Variants in MAPKAPK5 observed in about 807,000 individuals in gnomAD.
MAPKAPK5 encodes the protein MAP kinase-activated protein kinase 5.
In MAPKAPK5, 30 loss-of-function variants were observed where a neutral mutation model predicts 65.1. That is an observed-to-expected ratio of 0.46 (90% CI 0.34 to 0.63). The LOEUF (loss-of-function observed/expected upper bound fraction) is 0.63. Among genes scored for constraint, MAPKAPK5 ranks in the 20% least tolerant of loss-of-function variants. The pLI is 0.01. For missense variants in MAPKAPK5, 433 were observed against 581.4 expected (o/e 0.74, Z 2.63); for synonymous variants, 179 against 204.6 (o/e 0.87, Z 1.07).
At chr12:111,861,321 TTTG>T (rs147026778) in intron 1 of MAPKAPK5, among the ~76,000 whole-genome samples, 12,790 of 151,320 alleles carry the variant, frequency 0.085, 628 homozygotes, top group Middle Eastern at 0.17. Context: ...TTTTGTTTTT[TTTG>T]TTGTTGTTGT....
chr12:111,866,031 G>A, intron 2 of MAPKAPK5, 125 bp from the exon 3 acceptor site: 5 of 714,638 alleles, frequency 7.0e-6, no homozygotes, highest in Non-Finnish European at 1.1e-5. Context: ...TTGGGGGCAA[G>A]TTTGTTCTGG....
Position 111,842,738 on chromosome 12 carries a change from C to G in MAPKAPK5, c.5C>G (p.Ser2Trp). The G allele has an allele frequency of 6.6e-6, 9 of 1,359,754 alleles. No homozygotes were observed. Among genetic ancestry groups the G allele is most frequent in the Non-Finnish European group, 8.6e-6 (9 of 1,049,880 alleles). 84.2% of individuals were successfully genotyped at this position (1,359,754 alleles called of 1,614,324 possible). ...GCTGTGGGGGCCCCACTGAGTATGTCGGAGGAGAGCGACATGGACAAAGCC... is the reference window on the plus strand; with the variant it reads ...GCTGTGGGGGCCCCACTGAGTATGTGGGAGGAGAGCGACATGGACAAAGCC... M[S>W]EESDMDKAIK... Residue 2 changes from serine (S) to tryptophan (W), a missense_variant, in exon 1 of 14, where the codon TCG (serine) becomes TGG (tryptophan). Ser to Trp is a radical substitution (Grantham distance 177). Around this residue, in one of 3 missense-constraint regions of MAPKAPK5, gnomAD observed 165 missense variants for 180.0 expected, o/e 0.92. Transcript: ENST00000550735.
At chr12:111,853,815 T>C (rs1383464540) in intron 1 of MAPKAPK5, among the ~76,000 whole-genome samples, 3 of 152,102 alleles carry the variant, frequency 2.0e-5, no homozygotes, top group African/African-American at 7.2e-5. Flanking sequence ...GATTACAGGC[T>C]TAAGCCACTA....
chr12:111,901,458 G>A lies in MAPKAPK5; in HGVS notation c.*8397G>A, dbSNP rs1164804816. 8.8e-6 allele frequency: 4 copies of A among 455,602 alleles called. No individual in the cohort carries two copies. The highest frequency in any genetic ancestry group is 7.1e-5 in the Admixed American group (3 of 42,476). 28.2% of individuals were successfully genotyped at this position (455,602 alleles called of 1,614,324 possible). ...TCATTCCAGACGTGAAGAACATGCT[G>A]TAGACATGATGATATTATCATTCAT... On this transcript the variant is annotated 3_prime_UTR_variant, in exon 14 of 14. Transcript: ENST00000550735.
chr12:111,869,653 A>T (rs1030645517), intron 5 of MAPKAPK5, among the ~76,000 whole-genome samples: 1 of 152,210 alleles, frequency 6.6e-6, no homozygotes, highest in African/African-American at 2.4e-5. Flanking sequence ...AGAACAAGTA[A>T]AATCTGTTCT....
chr12:111,843,300 T>C (rs2068790158), intron 1 of MAPKAPK5: 2 of 398,656 alleles, frequency 5.0e-6, no homozygotes, highest in Non-Finnish European at 8.8e-6. Flanking sequence ...TCCTCTTCTT[T>C]CTCCTAGGAA....
rs2069562767 is a variant in MAPKAPK5, at chr12:111,865,274, A to G, written c.61A>G (p.Ser21Gly). The G allele has an allele frequency of 6.3e-7, 1 of 1,588,434 alleles. No homozygotes were observed. Among genetic ancestry groups the G allele is most frequent in the African/African-American group, 1.3e-5 (1 of 74,582 alleles). ...IKETSILEEY[S>G]INWTQKLGAG... ...GGAAACTTCCATTTTAGAAGAATAC[A>G]GTATCAATTGGACTCAGAAGCTGGG... The change falls in exon 2 of 14, where the codon AGT becomes GGT. Residue 21 changes from serine (S) to glycine (G), a missense_variant. By Grantham distance (56) the Ser-to-Gly change is moderately conservative. Around this residue, in one of 3 missense-constraint regions of MAPKAPK5, gnomAD observed 165 missense variants for 180.0 expected, o/e 0.92. Coordinates refer to ENST00000550735, the MANE Select transcript of MAPKAPK5 (RefSeq NM_003668.4).
intron 7 of MAPKAPK5, among the ~76,000 whole-genome samples, chr12:111,873,595 G>A (rs931971074): frequency 9.9e-5 from 15 of 151,996 alleles, no homozygotes; most frequent in African/African-American, 3.1e-4. Context: ...CGCCTGCTTC[G>A]GCCTCCCAAA....
At chr12:111,876,857 A>C (rs2069992413) in intron 7 of MAPKAPK5, among the ~76,000 whole-genome samples, 1 of 151,868 alleles carries the variant, frequency 6.6e-6, no homozygotes, top group South Asian at 2.1e-4. Flanking sequence ...TTTTTTAGGA[A>C]GCTTCCCACT....
Position 111,900,261 on chromosome 12 carries a change from G to T in MAPKAPK5, c.*7200G>T, listed in dbSNP as rs146750230. ...TGGGCATCACCCTGGACAGAATATG[G>T]GCCAGGCCTTTCTCAGTGGTGCCTG... On this transcript the variant is annotated 3_prime_UTR_variant, in exon 14 of 14. Transcript: ENST00000550735. The T allele has an allele frequency of 2.2e-6, 1 of 456,022 alleles. No homozygotes were observed. Among genetic ancestry groups the T allele is most frequent in the Non-Finnish European group, 4.4e-6 (1 of 226,794 alleles). The allele number at this position is 456,022 out of a possible 1,614,324, so 28.2% of individuals were successfully genotyped here.
chr12:111,848,167 C>A (rs748681964), intron 1 of MAPKAPK5, among the ~76,000 whole-genome samples: 1 of 152,152 alleles, frequency 6.6e-6, no homozygotes, highest in African/African-American at 2.4e-5. Flanking sequence ...GAACTGTTTT[C>A]CAAAGTGGTT....
chr12:111,849,927 T>C (rs1408206392), intron 1 of MAPKAPK5, among the ~76,000 whole-genome samples: 1 of 151,540 alleles, frequency 6.6e-6, no homozygotes, highest in Non-Finnish European at 1.5e-5. Flanking sequence ...TCCCACTGTG[T>C]AGCCCAGGCT....
At chr12:111,881,471 C>T (rs1368625634) in intron 8 of MAPKAPK5, among the ~76,000 whole-genome samples, 3 of 144,656 alleles carry the variant, frequency 2.1e-5, no homozygotes. Context: ...GTGGCACAAT[C>T]TCGGCTCACT....
chr12:111,891,071 G>GT (rs1445858851), intron 13 of MAPKAPK5, among the ~76,000 whole-genome samples: 2 of 151,856 alleles, frequency 1.3e-5, no homozygotes, highest in Admixed American at 1.3e-4. Flanking sequence ...TTGTTTCCGC[G>GT]TTTTTTTGTT....
At chr12:111,876,426 C>A (rs2069975081) in intron 7 of MAPKAPK5, among the ~76,000 whole-genome samples, 1 of 151,646 alleles carries the variant, frequency 6.6e-6, no homozygotes. Flanking sequence ...ATATAATTAA[C>A]ATGCATAAAG....
chr12:111,882,398 G>A (rs1403146948), intron 8 of MAPKAPK5, among the ~76,000 whole-genome samples: 5 of 152,026 alleles, frequency 3.3e-5, no homozygotes, highest in Non-Finnish European at 5.9e-5. Context: ...AAATACAGGC[G>A]AGAGTACCTG....
Position 111,897,241 on chromosome 12 carries a change from CA to C in MAPKAPK5, c.*4183del, listed in dbSNP as rs956831263. ...TTCTAAGTAGCTGGGACTACAGGAG[CA>C]AACCACTGTGCCTGGCAGGAATTAC... On this transcript the variant is annotated 3_prime_UTR_variant, in exon 14 of 14. Transcript: ENST00000550735. 10 of 152,154 alleles carry C rather than the reference CA, an allele frequency of 6.6e-5. No individual in the cohort carries two copies. The highest frequency in any genetic ancestry group is 1.3e-4 in the Admixed American group (2 of 15,274). The allele number at this position is 152,154 out of a possible 1,614,324, so 9.4% of individuals were successfully genotyped here.
In MAPKAPK5 at chr12:111,883,718, A is replaced by G; in HGVS notation, c.798A>G (p.Pro266=). ...TCATGACAGGCAGTTTTGAGTTCCC[A>G]GAGGAAGAGTGGAGTCAGATCTCAG... The part of the protein sequence containing the change: ...RKIMTGSFEF[P]EEEWSQISEM... The change falls in exon 9 of 14, where the codon CCA becomes CCG. Residue 266 remains proline, a synonymous_variant. Coordinates refer to ENST00000550735, the MANE Select transcript of MAPKAPK5 (RefSeq NM_003668.4). The surrounding 1 kb of genome is among the most constrained non-coding windows in gnomAD (Gnocchi z 4.8). 4.3e-6 allele frequency: 7 copies of G among 1,614,018 alleles called. No homozygotes were observed. Among genetic ancestry groups the G allele is most frequent in the Non-Finnish European group, 5.9e-6 (7 of 1,179,878 alleles).
At chr12:111,865,956 G>A (rs1008918817) in intron 2 of MAPKAPK5, among the ~76,000 whole-genome samples, 200 bp from the exon 3 acceptor site, 1 of 151,866 alleles carries the variant, frequency 6.6e-6, no homozygotes, top group Admixed American at 6.6e-5. Context: ...TGGCTTAGAA[G>A]CTGAGGCCTG....
Sources: allele counts gnomAD v4.1 joint callset (sites outside exome capture counted in the v4.1 genomes callset), GRCh38; gene constraint gnomAD v4.1.1; regional missense constraint gnomAD v4.1.1; non-coding constraint Gnocchi (gnomAD v3.1); transcripts MANE v1.5; gene names NCBI Gene and HGNC (gene_info 2026-07-23, HGNC 2026-07-21).